NAALADL2: variants seen among roughly 807,000 people sequenced by gnomAD.
NAALADL2 encodes the protein inactive N-acetylated-alpha-linked acidic dipeptidase-like protein 2.
In NAALADL2, 76 loss-of-function variants were observed where a neutral mutation model predicts 87.2. The observed-to-expected ratio is 0.87, with a 90% CI of 0.72 to 1.05. NAALADL2 has a LOEUF of 1.05. Ranked by LOEUF, NAALADL2 falls within the 50% of genes least tolerant of loss-of-function variation. The probability of loss-of-function intolerance (pLI) is 0.00; values close to 1 mark genes in which losing one functional copy is unlikely to be tolerated. For missense variants in NAALADL2, 1,089 were observed against 945.8 expected, an observed-to-expected ratio of 1.15 and a Z score of -1.99; for synonymous variants, 354 against 331.0, an observed-to-expected ratio of 1.07 and a Z score of -0.75.
At chr3:174,712,755 G>A (rs1044625664) in intron 2 of NAALADL2, among the ~76,000 whole-genome samples, 3 of 151,804 alleles carry the variant, frequency 2.0e-5, no homozygotes, top group African/African-American at 7.3e-5. Context: ...TTAGAACAAT[G>A]ACACTTTTTT....
At chr3:174,587,827 C>A (rs1560074746) in intron 2 of NAALADL2, among the ~76,000 whole-genome samples, 1 of 152,262 alleles carries the variant, frequency 6.6e-6, no homozygotes, top group East Asian at 1.9e-4. Flanking sequence ...TTCATTTCAA[C>A]TCTGGTGAAT....
rs150038229 is a variant in NAALADL2 at position 174,952,649 on chromosome 3, G to T, written c.43+93199G>T. On this transcript the variant is annotated intron_variant, in intron 1 of 13. Coordinates refer to ENST00000454872, the MANE Select transcript of NAALADL2 (RefSeq NM_207015.3). ...CTGAAACATGGTAATGGGAAGACAC[G>T]TAAGGAGGTTGCTGACGTGGTTGTG... Among the ~76,000 whole-genome samples, 1,370 of 152,236 alleles carry T rather than the reference G, an allele frequency of 9.0e-3. 6 individuals are homozygous for T. Among genetic ancestry groups the T allele is most frequent in the Non-Finnish European group, 0.011 (730 of 68,000 alleles).
At chr3:175,090,191 A>G (rs1207557457) in intron 1 of NAALADL2, among the ~76,000 whole-genome samples, 1 of 152,082 alleles carries the variant, frequency 6.6e-6, no homozygotes, top group East Asian at 1.9e-4. Flanking sequence ...AACAGGAATT[A>G]TTTACACACC....
chr3:174,804,873 G>A (rs1036551389), intron 3 of NAALADL2, among the ~76,000 whole-genome samples: 3 of 152,074 alleles, frequency 2.0e-5, no homozygotes, highest in Non-Finnish European at 4.4e-5. Flanking sequence ...AATTAAACAA[G>A]ATGTTATACT....
At chr3:175,465,781 T>TAA (rs1321370328) in intron 7 of NAALADL2, among the ~76,000 whole-genome samples, 2 of 152,192 alleles carry the variant, frequency 1.3e-5, no homozygotes, top group Non-Finnish European at 2.9e-5. Context: ...TAAACCTTAA[T>TAA]AAAATGTTGG....
intron 9 of NAALADL2, among the ~76,000 whole-genome samples, chr3:175,509,365 G>A (rs184380274): frequency 8.5e-4 from 129 of 152,166 alleles, no homozygotes; most frequent in South Asian, 2.5e-3. Flanking sequence ...TTGCCCTGTA[G>A]GGCTTCAGAT....
At chr3:175,040,193 C>T (rs915023178) in intron 1 of NAALADL2, among the ~76,000 whole-genome samples, 1 of 152,142 alleles carries the variant, frequency 6.6e-6, no homozygotes, top group African/African-American at 2.4e-5. Context: ...TGCTTTTCTT[C>T]CAGTGTACAA....
Position 174,613,339 on chromosome 3 carries a change from C to T in NAALADL2, c.-115+62702C>T, listed in dbSNP as rs539691045. Among the ~76,000 whole-genome samples the T allele has an allele frequency of 5.3e-5, 8 of 152,298 alleles. No individual in the cohort carries two copies. The South Asian group carries it at 1.4e-3, about 28-fold the overall frequency. On this transcript the variant is annotated intron_variant, in intron 2 of 3. Coordinates refer to the NAALADL2 transcript ENST00000434257. ...TACAGTTAGCAGATTGACAAGCCAG[C>T]CAGGCCTGTGTCATCCCTTCAGCAC...
intron 1 of NAALADL2, among the ~76,000 whole-genome samples, chr3:174,896,037 ATACCT>A (rs376953623): frequency 2.6e-5 from 4 of 152,162 alleles, no homozygotes; most frequent in African/African-American, 7.2e-5. Context: ...TAGAAGAAAC[ATACCT>A]TAACATAATA....
intron 5 of NAALADL2, among the ~76,000 whole-genome samples, chr3:175,424,819 C>T (rs1161976530): frequency 6.6e-6 from 1 of 152,110 alleles, no homozygotes; most frequent in Non-Finnish European, 1.5e-5. Flanking sequence ...AGGCCAAGCA[C>T]TGCCACATAA....
chr3:174,593,829 A>G (rs1200693907), intron 2 of NAALADL2, among the ~76,000 whole-genome samples: 1 of 152,166 alleles, frequency 6.6e-6, no homozygotes, highest in East Asian at 1.9e-4. Flanking sequence ...CACTAATCAT[A>G]TGCAGCATGT....
intron 9 of NAALADL2, among the ~76,000 whole-genome samples, chr3:175,564,883 A>G (rs1205082903): frequency 6.6e-6 from 1 of 152,188 alleles, no homozygotes; most frequent in African/African-American, 2.4e-5. Context: ...TTGTCATTCT[A>G]TATGTAGTTT....
intron 10 of NAALADL2, among the ~76,000 whole-genome samples, chr3:175,589,137 G>A (rs1419393316): frequency 6.6e-6 from 1 of 152,262 alleles, no homozygotes; most frequent in Non-Finnish European, 1.5e-5. Context: ...AAAGAAGGGA[G>A]TGTTGGTTAA....
chr3:174,692,878 T>G (rs1578566420), intron 2 of NAALADL2, among the ~76,000 whole-genome samples: 1 of 147,892 alleles, frequency 6.8e-6, no homozygotes, highest in Admixed American at 6.8e-5. Context: ...TTACTTCATT[T>G]TGTTCCTGAA....
intron 9 of NAALADL2, among the ~76,000 whole-genome samples, chr3:175,482,461 C>G (rs976490449): frequency 6.6e-6 from 1 of 151,894 alleles, no homozygotes; most frequent in Non-Finnish European, 1.5e-5. Flanking sequence ...CTGTCAGTGT[C>G]TTTAAAAGCA....
chr3:175,698,483 T>TATA lies in NAALADL2; in HGVS notation c.1897-38823_1897-38822insATA, dbSNP rs1560995887. ...TGTGTATATATGTGTGTATATATAT[T>TATA]TATATATATATATATATATAAAATC... On this transcript the variant is annotated intron_variant, in intron 11 of 13. Coordinates refer to ENST00000454872, the MANE Select transcript of NAALADL2 (RefSeq NM_207015.3). Among the ~76,000 whole-genome samples the TATA allele has an allele frequency of 9.4e-4, 64 of 67,738 alleles. 8 individuals carry two copies. The highest frequency in any genetic ancestry group is 4.7e-3 in the African/African-American group (52 of 11,056). The allele number at this position is 67,738 out of a possible 152,430, so 44.4% of individuals were successfully genotyped here.
rs1581543298 is a variant in NAALADL2, at chr3:175,353,038, G to A, written c.1090+28713G>A. Among the ~76,000 whole-genome samples, 6 of 151,228 alleles carry A rather than the reference G, an allele frequency of 4.0e-5. 1 individual carries two copies. The Admixed American group carries it at 4.0e-4, about 10-fold the overall frequency. The stretch of plus-strand genomic sequence containing the variant: ...CTCACTAATTCAAAAGGATGATATG[G>A]AATTTCTGTTATTTTTTTAAACTTC... On this transcript the variant is annotated intron_variant, in intron 5 of 13. Transcript: ENST00000454872.
At chr3:174,893,393 C>T (rs972801542) in intron 1 of NAALADL2, among the ~76,000 whole-genome samples, 2 of 150,802 alleles carry the variant, frequency 1.3e-5, no homozygotes, top group African/African-American at 4.9e-5. Context: ...CGCAGCAAAA[C>T]ACGGACTATG....
chr3:175,655,103 G>A lies in NAALADL2; in HGVS notation c.1896+27717G>A, dbSNP rs183169716. Among the ~76,000 whole-genome samples, 128 of 152,120 alleles carry A rather than the reference G, an allele frequency of 8.4e-4. 1 individual carries two copies. In the East Asian group the frequency reaches 0.015, roughly 18 times the overall value. On this transcript the variant is annotated intron_variant, in intron 11 of 13. Coordinates refer to ENST00000454872, the MANE Select transcript of NAALADL2 (RefSeq NM_207015.3). ...ATTACAGTTAATTTGATGTAGTTATGATTTAATAATGTGTCTTTGCATTTG... is the reference window on the plus strand; with the variant it reads ...ATTACAGTTAATTTGATGTAGTTATAATTTAATAATGTGTCTTTGCATTTG...
Sources: gnomAD v4.1 joint callset for allele counts (sites outside exome capture counted in the v4.1 genomes callset) on GRCh38, gnomAD v4.1.1 for gene constraint, MANE v1.5 for transcripts, NCBI Gene and HGNC (gene_info 2026-07-23, HGNC 2026-07-21) for gene names.